Variants in NPHS2 observed in about 807,000 individuals in gnomAD.
NPHS2 encodes the protein NPHS2 stomatin family member, podocin.
In NPHS2, 36 loss-of-function variants were observed where a neutral mutation model predicts 37.1. That is an observed-to-expected ratio of 0.97 (90% CI 0.74 to 1.28). NPHS2 has a LOEUF of 1.28. Among genes scored for constraint, NPHS2 ranks in the 50% most tolerant of loss-of-function variants. NPHS2 has a pLI of 0.00. For missense variants in NPHS2, 447 were observed against 488.1 expected (o/e 0.92, Z 0.79); for synonymous variants, 196 against 189.3 (o/e 1.04, Z -0.29).
chr1:179,567,014 G>T (rs1674360146), intron 1 of NPHS2, among the ~76,000 whole-genome samples: 1 of 152,148 alleles, frequency 6.6e-6, no homozygotes, highest in Non-Finnish European at 1.5e-5. Context: ...CTCCAGCTTT[G>T]TTCCTTTTGC....
chr1:179,552,403 A>G, intron 7 of NPHS2, 200 bp downstream of exon 7: 1 of 622,812 alleles, frequency 1.6e-6, no homozygotes, highest in Admixed American at 2.3e-5. Flanking sequence ...TATTATCAGT[A>G]GCTTCAGAGA....
rs946871091 is a variant in NPHS2, at chr1:179,574,954, A to C, written c.274+637T>G. ...TAAGTTTTTGTTCCAGACTTTGTGC[A>C]AAGTGCTTTGGATGCCTTTTCTCAT... On this transcript the variant is annotated intron_variant, in intron 1 of 7. Transcript: ENST00000367615. Among the ~76,000 whole-genome samples the C allele has an allele frequency of 8.5e-5, 13 of 152,296 alleles. No homozygotes were observed. The Middle Eastern group carries it at 0.01, about 120-fold the overall frequency.
At chr1:179,566,527 T>G (rs527860571) in intron 1 of NPHS2, among the ~76,000 whole-genome samples, 1 of 152,376 alleles carries the variant, frequency 6.6e-6, no homozygotes, top group South Asian at 2.1e-4. Flanking sequence ...CTGTTCACTC[T>G]GCTGATAGTT....
chr1:179,562,086 C>T (rs1444752722), intron 2 of NPHS2, among the ~76,000 whole-genome samples: 2 of 152,148 alleles, frequency 1.3e-5, no homozygotes, highest in Non-Finnish European at 2.9e-5. Flanking sequence ...GGATTACAGG[C>T]GTGAGCCACC....
intron 1 of NPHS2, among the ~76,000 whole-genome samples, chr1:179,569,794 C>A (rs969513019): frequency 1.3e-5 from 2 of 151,986 alleles, no homozygotes; most frequent in Non-Finnish European, 2.9e-5. Context: ...TTTCTCCTTC[C>A]CTTACGAAGC....
At chr1:179,565,986 G>A (rs1041816621) in intron 1 of NPHS2, among the ~76,000 whole-genome samples, 1 of 152,112 alleles carries the variant, frequency 6.6e-6, no homozygotes, top group African/African-American at 2.4e-5. Context: ...GGACATTTGG[G>A]TTCCAAGTCT....
At chr1:179,563,624 T>C (rs1267947021) in intron 2 of NPHS2, among the ~76,000 whole-genome samples, 1 of 152,210 alleles carries the variant, frequency 6.6e-6, no homozygotes, top group Admixed American at 6.5e-5. Context: ...GTGTATTCTC[T>C]TATTACAATG....
Position 179,559,690 on chromosome 1 carries a change from G to A in NPHS2, c.523C>T (p.Pro175Ser), listed in dbSNP as rs1472510122. 1 of 1,585,240 alleles carries A rather than the reference G, an allele frequency of 6.3e-7. No homozygotes were observed. Among genetic ancestry groups the A allele is most frequent in the South Asian group, 1.1e-5 (1 of 87,360 alleles). The change falls in exon 4 of 8, where the codon CCT (proline) becomes TCT (serine). Residue 175 changes from proline to serine, a missense_variant. Transcript: ENST00000367615. ...ATCATTTGGCTTACCTCATGAAAAG[G>A]TATCTCCAGAGTTTGGAGACGAAGG... ...VDLRLQTLEI[P>S]FHEIVTKDMF...
intron 1 of NPHS2, among the ~76,000 whole-genome samples, chr1:179,571,418 T>C (rs1205694066): frequency 6.6e-6 from 1 of 152,222 alleles, no homozygotes; most frequent in Non-Finnish European, 1.5e-5. Context: ...CAAATATTGC[T>C]GCCTGATGCT....
At chr1:179,561,426 A>C in intron 2 of NPHS2, 65 bp from the exon 3 acceptor site, 1 of 1,234,486 alleles carries the variant, frequency 8.1e-7, no homozygotes, top group Non-Finnish European at 1.2e-6. Flanking sequence ...AGGCCTTGGC[A>C]TAAGAATGAT....
intron 1 of NPHS2, among the ~76,000 whole-genome samples, chr1:179,571,598 T>C (rs1331306906): frequency 1.3e-5 from 2 of 152,236 alleles, no homozygotes; most frequent in Non-Finnish European, 2.9e-5. Flanking sequence ...ACTGCTCTCT[T>C]CAGAGCTGTC....
chr1:179,574,695 T>C (rs1674687079), intron 1 of NPHS2, among the ~76,000 whole-genome samples: 1 of 152,214 alleles, frequency 6.6e-6, no homozygotes, highest in Non-Finnish European at 1.5e-5. Flanking sequence ...ATGTTAAAAC[T>C]TCAGAGCCAG....
intron 1 of NPHS2, among the ~76,000 whole-genome samples, chr1:179,568,040 T>C (rs1157818799): frequency 1.3e-5 from 2 of 152,208 alleles, no homozygotes; most frequent in Admixed American, 1.3e-4. Context: ...TCTGCCAGGC[T>C]TTGGTATCAG....
At position 179,551,458 on chromosome 1, in the gene NPHS2, A is replaced by G. The variant is rs1673268894; in HGVS notation, c.874-7T>C. The G allele has an allele frequency of 6.2e-7, 1 of 1,612,742 alleles. No homozygotes were observed. Among genetic ancestry groups the G allele is most frequent in the South Asian group, 1.1e-5 (1 of 91,000 alleles). ...CCGCTTCTGCAGCAATCATCTAGAA[A>G]ACATGTGACGAAAGCAAAGTGATTG... On this transcript the variant is annotated splice_polypyrimidine_tract_variant and splice_region_variant and intron_variant, in intron 7 of 7. Coordinates refer to ENST00000367615, the MANE Select transcript of NPHS2 (RefSeq NM_014625.4).
chr1:179,572,559 T>C lies in NPHS2; in HGVS notation c.274+3032A>G, dbSNP rs76428395. 9.1e-4 allele frequency among the ~76,000 whole-genome samples: 139 copies of C among 152,216 alleles called. No individual in the cohort carries two copies. The East Asian group carries it at 0.025, about 27-fold the overall frequency. On this transcript the variant is annotated intron_variant, in intron 1 of 7. Transcript: ENST00000367615. ...GCACCATACATGTGCTCAATAAATATTAGTTGAGTGTGAGAAGAAAGGAGG... is the reference window on the plus strand; with the variant it reads ...GCACCATACATGTGCTCAATAAATACTAGTTGAGTGTGAGAAGAAAGGAGG...
At chr1:179,554,685 AG>A in intron 5 of NPHS2, 154 bp from the exon 6 acceptor site, 1 of 1,026,140 alleles carries the variant, frequency 9.7e-7, no homozygotes, top group South Asian at 1.4e-5. Context: ...TGCCTTGCAA[AG>A]AGTTGTTTAA....
chr1:179,554,451 T>C (rs1214893578), intron 6 of NPHS2, 25 bp downstream of exon 6: 3 of 1,614,044 alleles, frequency 1.9e-6, no homozygotes, highest in Non-Finnish European at 1.7e-6. Context: ...ATCATACAGT[T>C]CTTGCTAGTT....
chr1:179,572,223 C>G (rs2101882689), intron 1 of NPHS2, among the ~76,000 whole-genome samples: 1 of 152,302 alleles, frequency 6.6e-6, no homozygotes, highest in Admixed American at 6.5e-5. Context: ...TAAGTGATTC[C>G]AAGCACATGT....
Position 179,557,233 on chromosome 1 carries a change from A to G in NPHS2, c.535-3T>C. The G allele has an allele frequency of 6.2e-7, 1 of 1,613,760 alleles. No individual in the cohort carries two copies. Among genetic ancestry groups the G allele is most frequent in the Non-Finnish European group, 8.5e-7 (1 of 1,179,732 alleles). ...ATAAACATGTCTTTGGTCACGATCT[A>G]GGCAGAAAAAAGTTTGGATGACAGG... is the stretch of plus-strand genomic sequence containing the variant. On this transcript the variant is annotated splice_polypyrimidine_tract_variant and splice_region_variant and intron_variant, in intron 4 of 7. Transcript: ENST00000367615.
Sources: allele counts gnomAD v4.1 joint callset (sites outside exome capture counted in the v4.1 genomes callset), GRCh38; gene constraint gnomAD v4.1.1; transcripts MANE v1.5; gene names NCBI Gene and HGNC (gene_info 2026-07-23, HGNC 2026-07-21).